SHANK2: variants seen among roughly 807,000 people sequenced by gnomAD.
SHANK2 encodes SH3 and multiple ankyrin repeat domains protein 2.
In SHANK2, 43 loss-of-function variants were observed where a neutral mutation model predicts 133.7. That is an observed-to-expected ratio of 0.32 (90% CI 0.25 to 0.41). The LOEUF (loss-of-function observed/expected upper bound fraction) is 0.41. Among genes scored for constraint, SHANK2 ranks in the 10% least tolerant of loss-of-function variants. The pLI, the probability that SHANK2 is intolerant of heterozygous loss-of-function variation, is 1.00. For missense variants in SHANK2, 1,994 were observed against 2,235.8 expected (o/e 0.89, Z 2.18); for synonymous variants, 1,017 against 952.8 (o/e 1.07, Z -1.24).
At chr11:70,708,171 G>A (rs1555025346) in intron 14 of SHANK2, among the ~76,000 whole-genome samples, 1 of 152,166 alleles carries the variant, frequency 6.6e-6, no homozygotes, top group Non-Finnish European at 1.5e-5. Flanking sequence ...GCTCAGGCAA[G>A]CTTTGTATTT....
intron 10 of SHANK2, among the ~76,000 whole-genome samples, chr11:70,905,656 G>T (rs79145414): frequency 4.6e-5 from 7 of 152,070 alleles, no homozygotes; most frequent in Non-Finnish European, 1.0e-4. Flanking sequence ...CACCCCTTCC[G>T]CCATGTGAGG....
intron 8 of SHANK2, among the ~76,000 whole-genome samples, chr11:71,086,077 TG>T: frequency 2.5e-5 from 1 of 40,768 alleles, no homozygotes; most frequent in African/African-American, 8.4e-5. Flanking sequence ...TAATATATTA[TG>T]TTATATAATA....
chr11:70,949,299 G>A (rs544863708), intron 10 of SHANK2, among the ~76,000 whole-genome samples: 7 of 152,310 alleles, frequency 4.6e-5, no homozygotes, highest in South Asian at 4.1e-4. Context: ...GAAAGTGGGC[G>A]AAGAACCCTG....
intron 2 of SHANK2, among the ~76,000 whole-genome samples, chr11:71,163,093 A>AACAT: frequency 3.5e-5 from 3 of 84,676 alleles, no homozygotes; most frequent in African/African-American, 1.4e-4. Context: ...AAAAAAAAAA[A>AACAT]ATACATATAT....
intron 2 of SHANK2, among the ~76,000 whole-genome samples, chr11:71,190,261 C>T (rs1434998921): frequency 1.3e-5 from 2 of 152,254 alleles, no homozygotes; most frequent in Non-Finnish European, 2.9e-5. Flanking sequence ...AGGGGAAATG[C>T]TTCTGCAGCT....
chr11:70,488,767 T>A (rs2135744383), intron 24 of SHANK2, among the ~76,000 whole-genome samples: 1 of 152,364 alleles, frequency 6.6e-6, no homozygotes, highest in African/African-American at 2.4e-5. Context: ...GGTCCAAGTG[T>A]GGCTGACCTG....
intron 10 of SHANK2, among the ~76,000 whole-genome samples, chr11:70,933,490 A>G (rs539649812): frequency 4.0e-4 from 61 of 152,222 alleles, no homozygotes; most frequent in Non-Finnish European, 7.6e-4. Flanking sequence ...GCATGCTGAG[A>G]AATGATCAAA....
intron 14 of SHANK2, among the ~76,000 whole-genome samples, chr11:70,785,859 T>G (rs1463458025): frequency 6.6e-6 from 1 of 151,864 alleles, no homozygotes; most frequent in African/African-American, 2.4e-5. Flanking sequence ...GTCGAGGGAG[T>G]GGACATGGGG....
In SHANK2 at chr11:70,499,630, G is replaced by A. The variant is rs372961504; in HGVS notation, c.2308+940C>T. On this transcript the variant is annotated intron_variant, in intron 21 of 25. Transcript: ENST00000601538. ...ATTGAAGGGGTGTTCACACACAAAC[G>A]TAATTGCACGACATAGAAAGAAGGG... Among the ~76,000 whole-genome samples the A allele has an allele frequency of 2.6e-4, 39 of 152,360 alleles. No homozygotes were observed. The South Asian group carries it at 7.7e-3, about 30-fold the overall frequency.
intron 12 of SHANK2, among the ~76,000 whole-genome samples, chr11:70,811,399 G>A (rs1046157868): frequency 2.6e-5 from 4 of 152,056 alleles, no homozygotes; most frequent in Non-Finnish European, 5.9e-5. Context: ...AACAGCAGCC[G>A]GCAAGGGACA....
At chr11:70,910,184 C>T (rs1357700521) in intron 10 of SHANK2, among the ~76,000 whole-genome samples, 1 of 152,178 alleles carries the variant, frequency 6.6e-6, no homozygotes, top group Non-Finnish European at 1.5e-5. Flanking sequence ...CAGTCACATT[C>T]AGAGGTACTG....
intron 17 of SHANK2, among the ~76,000 whole-genome samples, chr11:70,651,610 A>G (rs373784605): frequency 5.9e-5 from 9 of 152,184 alleles, no homozygotes; most frequent in African/African-American, 7.2e-5. Context: ...AAGGCCCCCA[A>G]TGCTATTACC....
rs977765301 is a variant in SHANK2 at position 70,470,234 on chromosome 11, T to C, written c.*2635A>G. On this transcript the variant is annotated 3_prime_UTR_variant, in exon 26 of 26. Transcript: ENST00000601538. Reference sequence around the variant, plus strand: ...TTTATTTGTTGGTCAGTGCAGGTTCTGATAGGTCTATTACTTCTCTATAAT... The same window carrying C: ...TTTATTTGTTGGTCAGTGCAGGTTCCGATAGGTCTATTACTTCTCTATAAT... 3.9e-5 allele frequency: 6 copies of C among 152,494 alleles called. No individual in the cohort carries two copies. The highest frequency in any genetic ancestry group is 5.9e-5 in the Non-Finnish European group (4 of 68,050). The allele number at this position is 152,494 out of a possible 1,614,324, so 9.4% of individuals were successfully genotyped here.
At chr11:70,631,610 C>T (rs1196933482) in intron 17 of SHANK2, among the ~76,000 whole-genome samples, 4 of 152,206 alleles carry the variant, frequency 2.6e-5, no homozygotes, top group South Asian at 2.1e-4. Flanking sequence ...ACCCAGAGGG[C>T]GCTGGGAATA....
At position 71,147,216 on chromosome 11, in the gene SHANK2, G is replaced by T. The variant is rs1353627694; in HGVS notation, c.111C>A (p.Ile37=). The part of the protein sequence containing the change: ...SSKEETIYDT[I]RATAEKPGGA... ...CGCCCGGCTTCTCCGCAGTGGCCCG[G>T]ATCGTGTCATAGATGGTCTCTTCTT... Residue 37 remains isoleucine, a synonymous_variant, in exon 3 of 26, where the codon ATC becomes ATA. Transcript: ENST00000601538. The T allele has an allele frequency of 6.4e-7, 1 of 1,550,768 alleles. No homozygotes were observed. Among genetic ancestry groups the T allele is most frequent in the East Asian group, 2.4e-5 (1 of 40,934 alleles).
chr11:70,748,053 G>A (rs187383933), intron 14 of SHANK2, among the ~76,000 whole-genome samples: 74 of 152,144 alleles, frequency 4.9e-4, no homozygotes, highest in Admixed American at 1.0e-3. Flanking sequence ...TGTCCACTCT[G>A]TACACCTCCT....
chr11:71,196,764 G>A (rs973320829), intron 2 of SHANK2, among the ~76,000 whole-genome samples: 16 of 151,344 alleles, frequency 1.1e-4, no homozygotes, highest in African/African-American at 2.4e-4. Flanking sequence ...TTGGGAGGCC[G>A]AGGCAGGCAG....
chr11:70,898,784 G>A (rs956520408), intron 10 of SHANK2, among the ~76,000 whole-genome samples: 2 of 152,166 alleles, frequency 1.3e-5, no homozygotes, highest in African/African-American at 4.8e-5. Context: ...CTATCCATAC[G>A]GCAAAAAGTG....
At chr11:70,928,562 A>G (rs1950460113) in intron 10 of SHANK2, among the ~76,000 whole-genome samples, 1 of 152,168 alleles carries the variant, frequency 6.6e-6, no homozygotes, top group African/African-American at 2.4e-5. Context: ...ATGGAGGAAA[A>G]GCCTGTGGTA....
Sources: allele counts gnomAD v4.1 joint callset (sites outside exome capture counted in the v4.1 genomes callset), GRCh38; gene constraint gnomAD v4.1.1; transcripts MANE v1.5; gene names NCBI Gene and HGNC (gene_info 2026-07-23, HGNC 2026-07-21).